The following SLC35F1 variants were observed in gnomAD, a reference collection of about 807,000 sequenced individuals.
SLC35F1 encodes the protein chromosome 6 open reading frame 169.
Under a neutral mutation model 48.7 loss-of-function variants are expected in SLC35F1, and 14 were observed. The observed-to-expected ratio is 0.29, with a 90% CI of 0.19 to 0.45. The LOEUF is 0.45. Among genes scored for constraint, SLC35F1 ranks in the 20% least tolerant of loss-of-function variants. The probability of loss-of-function intolerance (pLI) is 1.00; values close to 1 mark genes in which losing one functional copy is unlikely to be tolerated. For missense variants in SLC35F1, 404 were observed against 500.0 expected (o/e 0.81, Z 1.83); for synonymous variants, 190 against 202.2 (o/e 0.94, Z 0.51).
chr6:117,913,443 A>G (rs1775787974), intron 1 of SLC35F1, among the ~76,000 whole-genome samples: 1 of 152,214 alleles, frequency 6.6e-6, no homozygotes, highest in East Asian at 1.9e-4. Flanking sequence ...TTTAGAATGA[A>G]CGTTGTAATT....
At chr6:118,240,174 A>T (rs954132120) in intron 3 of SLC35F1, among the ~76,000 whole-genome samples, 30 of 152,346 alleles carry the variant, frequency 2.0e-4, no homozygotes, top group Middle Eastern at 3.4e-3. Context: ...GAGCTTATGA[A>T]CTTCTAAAGG....
chr6:118,204,627 G>A (rs1417113911), intron 2 of SLC35F1, among the ~76,000 whole-genome samples: 1 of 152,150 alleles, frequency 6.6e-6, no homozygotes, highest in Non-Finnish European at 1.5e-5. Flanking sequence ...ACTCTGTTGA[G>A]TAGGCAGAGT....
intron 1 of SLC35F1, among the ~76,000 whole-genome samples, chr6:118,014,818 A>G (rs1312936961): frequency 6.6e-6 from 1 of 152,246 alleles, no homozygotes; most frequent in Non-Finnish European, 1.5e-5. Context: ...AAGCCGGAGG[A>G]CATCCTCAGT....
intron 1 of SLC35F1, among the ~76,000 whole-genome samples, chr6:118,120,230 G>A (rs1293409362): frequency 6.6e-6 from 1 of 152,152 alleles, no homozygotes; most frequent in Non-Finnish European, 1.5e-5. Context: ...AGAGTTAGCT[G>A]AGACTAGGCT....
intron 1 of SLC35F1, among the ~76,000 whole-genome samples, chr6:118,114,168 T>A (rs998629038): frequency 2.0e-5 from 3 of 152,174 alleles, no homozygotes; most frequent in African/African-American, 7.2e-5. Context: ...CTTGCTAGTT[T>A]AAGTGACAGA....
chr6:118,137,445 T>C, intron 1 of SLC35F1, among the ~76,000 whole-genome samples: 1 of 152,146 alleles, frequency 6.6e-6, no homozygotes, highest in South Asian at 2.1e-4. Flanking sequence ...TCAGAGGAAA[T>C]TCTCTCTAGG....
chr6:118,077,615 C>T (rs1225159621), intron 1 of SLC35F1, among the ~76,000 whole-genome samples: 3 of 152,108 alleles, frequency 2.0e-5, no homozygotes, highest in South Asian at 4.1e-4. Flanking sequence ...TCATGTTCAA[C>T]CTCAACAAAG....
intron 2 of SLC35F1, among the ~76,000 whole-genome samples, chr6:118,182,551 G>GGAAGGAAGGAAGGAAA (rs1411130554): frequency 7.2e-6 from 1 of 138,284 alleles, no homozygotes; most frequent in Non-Finnish European, 1.5e-5. Flanking sequence ...AAGGAAGGAA[G>GGAAGGAAGGAAGGAAA]GAAGGAAGGA....
intron 1 of SLC35F1, among the ~76,000 whole-genome samples, chr6:118,146,931 T>G (rs903220584): frequency 1.3e-5 from 2 of 152,220 alleles, no homozygotes; most frequent in Non-Finnish European, 2.9e-5. Context: ...GATCAGTATC[T>G]TCTAAAAGTA....
At chr6:118,270,080 GAA>G (rs1237905503) in intron 4 of SLC35F1, among the ~76,000 whole-genome samples, 2 of 152,132 alleles carry the variant, frequency 1.3e-5, no homozygotes. Context: ...TTTTGCACAG[GAA>G]AAGAGACTGT....
chr6:118,061,620 T>G (rs1037762471), intron 1 of SLC35F1, among the ~76,000 whole-genome samples: 14 of 149,174 alleles, frequency 9.4e-5, no homozygotes, highest in Non-Finnish European at 2.1e-4. Flanking sequence ...GGTATCTTCT[T>G]ATATGTTTTT....
At chr6:118,070,956 C>CGTGTG (rs1562280777) in intron 1 of SLC35F1, among the ~76,000 whole-genome samples, 9 of 25,772 alleles carry the variant, frequency 3.5e-4, no homozygotes, top group South Asian at 1.1e-3. Flanking sequence ...TATATATATA[C>CGTGTG]TGTGTATATA....
intron 1 of SLC35F1, among the ~76,000 whole-genome samples, chr6:118,138,106 C>G (rs940064045): frequency 6.6e-6 from 1 of 151,790 alleles, no homozygotes; most frequent in Non-Finnish European, 1.5e-5. Flanking sequence ...GCAGGAGGTT[C>G]GAGACCAGCC....
intron 1 of SLC35F1, among the ~76,000 whole-genome samples, chr6:118,035,402 T>TGACC (rs1772111193): frequency 6.7e-6 from 1 of 150,220 alleles, no homozygotes; most frequent in Admixed American, 6.6e-5. Context: ...AGGTCAGGAG[T>TGACC]TCAACACCAG....
chr6:118,272,380 C>T (rs936443442), intron 4 of SLC35F1, among the ~76,000 whole-genome samples: 1 of 152,020 alleles, frequency 6.6e-6, no homozygotes, highest in Non-Finnish European at 1.5e-5. Context: ...TCCATTTACC[C>T]AAAATTTGTA....
At chr6:118,212,293 T>G (rs1014641818) in intron 2 of SLC35F1, among the ~76,000 whole-genome samples, 4 of 152,250 alleles carry the variant, frequency 2.6e-5, no homozygotes, top group African/African-American at 9.6e-5. Context: ...GAATACTGAC[T>G]TTTCTCAAAA....
At chr6:118,289,372 A>G (rs562282023) in intron 7 of SLC35F1, among the ~76,000 whole-genome samples, 2 of 152,336 alleles carry the variant, frequency 1.3e-5, no homozygotes, top group East Asian at 3.9e-4. Flanking sequence ...CAAGAGTACA[A>G]CTGCTGGGTT....
chr6:117,950,579 G>A (rs1582581330), intron 1 of SLC35F1, among the ~76,000 whole-genome samples: 1 of 152,174 alleles, frequency 6.6e-6, no homozygotes, highest in African/African-American at 2.4e-5. Flanking sequence ...CTCTTCAGTA[G>A]AGTGACTCAA....
At chr6:118,050,853 T>G (rs1772378240) in intron 1 of SLC35F1, among the ~76,000 whole-genome samples, 1 of 152,126 alleles carries the variant, frequency 6.6e-6, no homozygotes, top group Non-Finnish European at 1.5e-5. Flanking sequence ...TTGTTAGCTG[T>G]TGACCTTGAC....
Sources: gnomAD v4.1 joint callset for allele counts (sites outside exome capture counted in the v4.1 genomes callset) on GRCh38, gnomAD v4.1.1 for gene constraint, MANE v1.5 for transcripts, NCBI Gene and HGNC (gene_info 2026-07-23, HGNC 2026-07-21) for gene names.